The following UNC5D variants were observed in gnomAD, a reference collection of about 807,000 sequenced individuals.
UNC5D encodes the protein netrin receptor UNC5D.
UNC5D carries 39 observed loss-of-function variants against 105.4 expected under a neutral mutation model. The observed-to-expected ratio is 0.37, with a 90% CI of 0.29 to 0.48. UNC5D has a LOEUF of 0.48. UNC5D is among the 20% of genes least tolerant of loss of function. The pLI is 0.98. For synonymous variants in UNC5D, 452 were observed against 450.4 expected (o/e 1.00, Z -0.04); for missense variants, 991 against 1,202.4 (o/e 0.82, Z 2.60).
chr8:35,447,129 A>C (rs1807847740), intron 1 of UNC5D, among the ~76,000 whole-genome samples: 1 of 152,054 alleles, frequency 6.6e-6, no homozygotes, highest in East Asian at 1.9e-4. Flanking sequence ...AATTTGTATA[A>C]AAACTCAAGT....
chr8:35,703,933 T>TC (rs2131439947), intron 7 of UNC5D, among the ~76,000 whole-genome samples: 1 of 152,282 alleles, frequency 6.6e-6, no homozygotes, highest in Admixed American at 6.5e-5. Flanking sequence ...CCAAAGTCAT[T>TC]TTATTCTGAT....
intron 1 of UNC5D, among the ~76,000 whole-genome samples, chr8:35,422,461 G>T (rs760540269): frequency 9.2e-5 from 14 of 152,194 alleles, no homozygotes; most frequent in Non-Finnish European, 1.3e-4. Context: ...AAACTTAGCT[G>T]TCATACCTAG....
chr8:35,648,986 C>T (rs970944838), intron 4 of UNC5D, among the ~76,000 whole-genome samples: 4 of 152,084 alleles, frequency 2.6e-5, no homozygotes, highest in South Asian at 2.1e-4. Flanking sequence ...TAAGGCAATA[C>T]AATGTCAAGA....
chr8:35,364,174 A>G (rs1188344998), intron 1 of UNC5D, among the ~76,000 whole-genome samples: 7 of 152,124 alleles, frequency 4.6e-5, no homozygotes, highest in African/African-American at 1.7e-4. Flanking sequence ...TCAAAAATGA[A>G]CTAATTAGAC....
chr8:35,411,706 G>A (rs1805180052), intron 1 of UNC5D, among the ~76,000 whole-genome samples: 1 of 151,796 alleles, frequency 6.6e-6, no homozygotes, highest in African/African-American at 2.4e-5. Flanking sequence ...CTTATAAATA[G>A]CACTGACATT....
At chr8:35,544,018 G>A (rs948135614) in intron 1 of UNC5D, among the ~76,000 whole-genome samples, 3 of 152,142 alleles carry the variant, frequency 2.0e-5, no homozygotes, top group African/African-American at 7.2e-5. Context: ...TGGAGTCAGA[G>A]ACCTGCATTC....
chr8:35,570,948 A>G (rs1817678537), intron 3 of UNC5D, among the ~76,000 whole-genome samples: 1 of 152,060 alleles, frequency 6.6e-6, no homozygotes, highest in South Asian at 2.1e-4. Flanking sequence ...ACAAGAGCCA[A>G]ACTCCATCAA....
At position 35,494,463 on chromosome 8, in the gene UNC5D, T is replaced by A. The variant is rs192253008; in HGVS notation, c.104-54829T>A. ...AACTTTACTTCTGCTACAATATTTT[T>A]TGTTACTCCTCGAAAAATCCTATAA... On this transcript the variant is annotated intron_variant, in intron 1 of 16. Coordinates refer to ENST00000404895, the MANE Select transcript of UNC5D (RefSeq NM_080872.4). Among the ~76,000 whole-genome samples the A allele has an allele frequency of 3.2e-3, 485 of 152,330 alleles. 1 individual carries two copies. Among genetic ancestry groups the A allele is most frequent in the African/African-American group, 0.011 (465 of 41,592 alleles).
chr8:35,483,188 C>G (rs1453885869), intron 1 of UNC5D, among the ~76,000 whole-genome samples: 1 of 151,960 alleles, frequency 6.6e-6, no homozygotes, highest in Non-Finnish European at 1.5e-5. Flanking sequence ...TCTTGGTGGA[C>G]AGGCCTCCAA....
Position 35,248,891 on chromosome 8 carries a change from T to G in UNC5D, c.103+13004T>G, listed in dbSNP as rs1308410236. ...ATATAAAAATATATAATATATTATA[T>G]AAATATATAATATATTATATATAAA... On this transcript the variant is annotated intron_variant, in intron 1 of 16. Transcript: ENST00000404895. Among the ~76,000 whole-genome samples the G allele has an allele frequency of 5.3e-4, 48 of 90,232 alleles. 1 individual carries two copies. The East Asian group carries it at 0.015, about 28-fold the overall frequency. 59.2% of individuals were successfully genotyped at this position (90,232 alleles called of 152,430 possible).
At chr8:35,660,211 G>T (rs1221154799) in intron 4 of UNC5D, among the ~76,000 whole-genome samples, 1 of 152,146 alleles carries the variant, frequency 6.6e-6, no homozygotes. Flanking sequence ...AGGAGCATGG[G>T]GAGAACAGAG....
rs1801418507 is a variant in UNC5D at position 35,759,403 on chromosome 8, T to C, written c.2247T>C (p.Ser749=). ...TGCATTTCAAAGGGAATACCTTTAGTCTTCAGATTTCTGTCCTTGATATTC... is the reference window on the plus strand; with the variant it reads ...TGCATTTCAAAGGGAATACCTTTAGCCTTCAGATTTCTGTCCTTGATATTC... ...KLLHFKGNTF[S]LQISVLDIPP... Residue 749 remains serine (S), a synonymous_variant, in exon 14 of 17, where the codon AGT becomes AGC. Coordinates refer to ENST00000404895, the MANE Select transcript of UNC5D (RefSeq NM_080872.4). 6.2e-7 allele frequency: 1 copy of C among 1,614,148 alleles called. No individual in the cohort carries two copies.
In UNC5D at chr8:35,642,036, T is replaced by A. The variant is rs79838295; in HGVS notation, c.571-41511T>A. ...CTTAAAGAGCATTGCCATTAGTCAG[T>A]TGATACTTATAGTGTGAGACTTGGA... On this transcript the variant is annotated intron_variant, in intron 4 of 16. Transcript: ENST00000404895. 5.9e-3 allele frequency among the ~76,000 whole-genome samples: 902 copies of A among 152,266 alleles called. 13 individuals carry two copies. The highest frequency in any genetic ancestry group is 0.02 in the African/African-American group (821 of 41,552).
intron 1 of UNC5D, among the ~76,000 whole-genome samples, chr8:35,272,298 C>T (rs983752282): frequency 6.6e-6 from 1 of 152,024 alleles, no homozygotes. Flanking sequence ...TTTAAATGAC[C>T]GTCCTTGGTT....
intron 1 of UNC5D, among the ~76,000 whole-genome samples, chr8:35,530,995 C>T (rs1363959579): frequency 6.6e-6 from 1 of 150,606 alleles, no homozygotes; most frequent in Admixed American, 6.6e-5. Flanking sequence ...TTCAAAAAAC[C>T]AGCTCCTGGA....
At chr8:35,686,497 C>G (rs367681655) in intron 6 of UNC5D, 48 bp from the exon 7 acceptor site, 11 of 1,504,680 alleles carry the variant, frequency 7.3e-6, no homozygotes, top group Non-Finnish European at 9.7e-6. Flanking sequence ...GTCTCCTGAC[C>G]GCTACTTGAT....
chr8:35,264,723 C>G (rs1804727097), intron 1 of UNC5D, among the ~76,000 whole-genome samples: 1 of 107,468 alleles, frequency 9.3e-6, no homozygotes, highest in Admixed American at 1.2e-4. Context: ...GAGCAAGACT[C>G]TGTCTCAAAA....
chr8:35,441,185 G>A (rs1807370735), intron 1 of UNC5D, among the ~76,000 whole-genome samples: 1 of 151,876 alleles, frequency 6.6e-6, no homozygotes. Context: ...AGCCAGAAGG[G>A]AGAGAAACTC....
chr8:35,449,932 G>A (rs1483700136), intron 1 of UNC5D, among the ~76,000 whole-genome samples: 1 of 152,084 alleles, frequency 6.6e-6, no homozygotes, highest in East Asian at 1.9e-4. Flanking sequence ...GCTGTTCTAG[G>A]CATTCCTGTC....
Sources: allele counts gnomAD v4.1 joint callset (sites outside exome capture counted in the v4.1 genomes callset), GRCh38; gene constraint gnomAD v4.1.1; transcripts MANE v1.5; gene names NCBI Gene and HGNC (gene_info 2026-07-23, HGNC 2026-07-21).